Variants in JAKMIP3 observed in about 807,000 individuals in gnomAD.
JAKMIP3 encodes the protein janus kinase and microtubule-interacting protein 3.
JAKMIP3 carries 58 observed loss-of-function variants against 118.5 expected under a neutral mutation model. The ratio of observed to expected loss-of-function variants is 0.49; its 90% CI spans 0.40 to 0.61. The LOEUF (loss-of-function observed/expected upper bound fraction) is 0.61. Among genes scored for constraint, JAKMIP3 ranks in the 20% least tolerant of loss-of-function variants. The pLI is 0.00. For missense variants in JAKMIP3, 950 were observed against 1,109.0 expected (o/e 0.86, Z 2.04); for synonymous variants, 486 against 451.2 (o/e 1.08, Z -0.98).
upstream of JAKMIP3, among the ~76,000 whole-genome samples, chr10:132,063,050 A>G (rs1349001601): frequency 6.6e-6 from 1 of 152,330 alleles, no homozygotes; most frequent in South Asian, 2.1e-4. Context: ...CCGGGCCAGC[A>G]GGACGGGTGG....
chr10:132,063,412 G>GGCTCCT (rs1554913940), upstream of JAKMIP3, among the ~76,000 whole-genome samples: 2 of 151,508 alleles, frequency 1.3e-5, no homozygotes, highest in South Asian at 2.1e-4. Context: ...GTGGCTGGGA[G>GGCTCCT]GCTCAAAGCT....
chr10:132,089,316 G>A (rs1448516750), intron 1 of JAKMIP3, among the ~76,000 whole-genome samples: 4 of 152,156 alleles, frequency 2.6e-5, no homozygotes, highest in Admixed American at 6.6e-5. Context: ...CCATTTTCAC[G>A]ATATTGATAC....
chr10:132,176,043 G>T (rs1448008000), intron 23 of JAKMIP3, among the ~76,000 whole-genome samples: 1 of 152,248 alleles, frequency 6.6e-6, no homozygotes, highest in Admixed American at 6.5e-5. Flanking sequence ...GGCACTGCCT[G>T]TCTCTCTTGG....
rs1477453836 is a variant in JAKMIP3, at chr10:132,117,641, G to C, written c.633+67G>C. ...GGCGGGCGTGGGCGAGGGTGCAGGG[G>C]CGGGCGTGGGCGAGGGTGCAGGCGT... On this transcript the variant is annotated intron_variant, in intron 3 of 23. Transcript: ENST00000684848. This position sits in a 1 kb window ranked among gnomAD's most constrained non-coding sequence, Gnocchi z 8.6. 7.4e-7 allele frequency: 1 copy of C among 1,349,562 alleles called. No individual in the cohort carries two copies. The allele number at this position is 1,349,562 out of a possible 1,614,324, so 83.6% of individuals were successfully genotyped here.
chr10:132,165,674 C>T (rs1408159569), intron 21 of JAKMIP3, among the ~76,000 whole-genome samples: 8 of 152,194 alleles, frequency 5.3e-5, no homozygotes, highest in Admixed American at 5.2e-4. Flanking sequence ...CAGGAGAGAC[C>T]GGGTCCCTCT....
At chr10:132,131,480 G>C (rs1189381433) in intron 3 of JAKMIP3, among the ~76,000 whole-genome samples, 2 of 151,764 alleles carry the variant, frequency 1.3e-5, no homozygotes, top group Non-Finnish European at 1.5e-5. Context: ...GGCCCGGGGA[G>C]ATGGGAGCTC....
rs148887738 is a variant in JAKMIP3 at position 132,051,696 on chromosome 10, G to A, written c.-138+14958G>A. 4.4e-3 allele frequency among the ~76,000 whole-genome samples: 667 copies of A among 152,146 alleles called. 3 individuals carry two copies. The highest frequency in any genetic ancestry group is 0.015 in the African/African-American group (623 of 41,496). On this transcript the variant is annotated intron_variant, in intron 1 of 23. Transcript: ENST00000657785. Reference sequence around the variant, plus strand: ...GCCCACTATAGCCTTGACCTCCTGGGCTCAAGCCATCCATCCTCCCACCTC... The same window carrying A: ...GCCCACTATAGCCTTGACCTCCTGGACTCAAGCCATCCATCCTCCCACCTC...
At position 132,124,361 on chromosome 10, in the gene JAKMIP3, C is replaced by T. The variant is rs1405189264; in HGVS notation, c.633+6787C>T. 1.3e-4 allele frequency among the ~76,000 whole-genome samples: 19 copies of T among 151,508 alleles called. 1 individual carries two copies. The highest frequency in any genetic ancestry group is 1.2e-3 in the Admixed American group (19 of 15,202). On this transcript the variant is annotated intron_variant, in intron 3 of 23. Coordinates refer to ENST00000684848, the MANE Select transcript of JAKMIP3 (RefSeq NM_001323087.2). ...TCCATTGCCACGTGATCACACGTCC[C>T]ACCCCGGCACATCACAACTGAGTCG...
intron 1 of JAKMIP3, among the ~76,000 whole-genome samples, chr10:132,092,818 C>T (rs1020446989): frequency 6.6e-5 from 10 of 152,262 alleles, no homozygotes; most frequent in African/African-American, 2.4e-4. Flanking sequence ...CGAGGAGCTG[C>T]ATTCCTTTGG....
chr10:132,147,525 G>A (rs756987525), intron 13 of JAKMIP3, among the ~76,000 whole-genome samples: 16 of 152,180 alleles, frequency 1.1e-4, no homozygotes, highest in African/African-American at 2.4e-4. Context: ...AGGGGCACCC[G>A]GGAGCCACCT....
chr10:132,050,726 T>G (rs553690326), intron 1 of JAKMIP3, among the ~76,000 whole-genome samples: 4 of 152,354 alleles, frequency 2.6e-5, no homozygotes, highest in Admixed American at 6.5e-5. Flanking sequence ...GTGGAGAACC[T>G]TCTAGGGGTA....
Position 132,104,941 on chromosome 10 carries a change from A to T in JAKMIP3, c.133A>T (p.Lys45Ter). 6.3e-7 allele frequency: 1 copy of T among 1,589,210 alleles called. No homozygotes were observed. Among genetic ancestry groups the T allele is most frequent in the Admixed American group, 1.7e-5 (1 of 57,176 alleles). ...GATCGAGCTGCAGCAGGAGAAGAGC[A>T]AGGTGGGCGCTCCCCAGACCTCCAC... ...IQIELQQEKSKVSKVEREKNQ... is the reference protein window; with the variant it reads ...IQIELQQEKS The change falls in exon 2 of 24, where the codon AAG becomes TAG. Residue 45 changes from lysine (K) to a stop codon, truncating the protein, a stop_gained and splice_region_variant. Coordinates refer to ENST00000684848, the MANE Select transcript of JAKMIP3 (RefSeq NM_001323087.2). LOFTEE classifies it high-confidence loss of function.
intron 1 of JAKMIP3, among the ~76,000 whole-genome samples, chr10:132,048,613 G>A (rs75503118): frequency 0.14 from 21,091 of 151,066 alleles, 1,568 homozygotes; most frequent in Middle Eastern, 0.16. Context: ...GTTTTGTTAA[G>A]TATTTCCTTA....
At chr10:132,123,674 T>C (rs770867324) in intron 3 of JAKMIP3, among the ~76,000 whole-genome samples, 14 of 152,202 alleles carry the variant, frequency 9.2e-5, no homozygotes, top group African/African-American at 3.4e-4. Context: ...AGTCTGGGCA[T>C]GAGTGTGTCT....
chr10:132,071,899 T>TCCC (rs754151248), intron 1 of JAKMIP3, among the ~76,000 whole-genome samples: 154 of 73,936 alleles, frequency 2.1e-3, no homozygotes, highest in Middle Eastern at 7.2e-3. Context: ...TTTCCTTTCT[T>TCCC]TCTTCCCTTC....
chr10:132,124,731 G>A (rs139594738), intron 3 of JAKMIP3, among the ~76,000 whole-genome samples: 6 of 152,366 alleles, frequency 3.9e-5, no homozygotes, highest in South Asian at 2.1e-4. Flanking sequence ...GGGTGGCCGC[G>A]TGCATGCCTT....
intron 13 of JAKMIP3, 109 bp from the exon 14 acceptor site, chr10:132,147,843 C>T (rs953152414): frequency 2.4e-5 from 18 of 751,448 alleles, no homozygotes; most frequent in Admixed American, 1.9e-4. Context: ...ACCAGGCCAG[C>T]CGGCCTCCCC....
intron 11 of JAKMIP3, among the ~76,000 whole-genome samples, chr10:132,142,568 C>T (rs902605202): frequency 6.6e-6 from 1 of 152,102 alleles, no homozygotes; most frequent in Non-Finnish European, 1.5e-5. Flanking sequence ...CCCTGGCTCA[C>T]CTTAGCGTCG....
At chr10:132,055,200 C>G (rs988308686) in intron 1 of JAKMIP3, among the ~76,000 whole-genome samples, 7 of 152,164 alleles carry the variant, frequency 4.6e-5, no homozygotes, top group Non-Finnish European at 1.0e-4. Flanking sequence ...AGGAGTAGTG[C>G]CTTTCTCTGG....
Sources: gnomAD v4.1 joint callset for allele counts (sites outside exome capture counted in the v4.1 genomes callset) on GRCh38, gnomAD v4.1.1 for gene constraint, Gnocchi (gnomAD v3.1) non-coding constraint, MANE v1.5 for transcripts, NCBI Gene and HGNC (gene_info 2026-07-23, HGNC 2026-07-21) for gene names.